The following NEK7 variants were observed in gnomAD, a reference collection of about 807,000 sequenced individuals.
The protein encoded by NEK7 is NIMA related kinase 7, also known as serine/threonine-protein kinase Nek7.
A neutral mutation model predicts 44.6 loss-of-function variants in NEK7; 18 were observed. That is an observed-to-expected ratio of 0.40 (90% CI 0.28 to 0.60). The LOEUF (loss-of-function observed/expected upper bound fraction) is 0.60. Among genes scored for constraint, NEK7 ranks in the 20% least tolerant of loss-of-function variants. The pLI, the probability that NEK7 is intolerant of heterozygous loss-of-function variation, is 0.38. For synonymous variants in NEK7, 130 were observed against 121.1 expected, an observed-to-expected ratio of 1.07 and a Z score of -0.48; for missense variants, 256 against 366.5, an observed-to-expected ratio of 0.70 and a Z score of 2.46.
Position 198,293,022 on chromosome 1 carries a change from G to T in NEK7, c.667G>T (p.Gly223Cys). Residue 223 changes from glycine (G) to cysteine (C), a missense_variant, in exon 8 of 10, where the codon GGC becomes TGC. Physicochemically the swap from Gly to Cys is radical, Grantham distance 159 (BLOSUM62 -3). This residue lies in a region of NEK7 where 102 missense variants were observed against 205.2 expected (regional missense o/e 0.50). Coordinates refer to ENST00000367385, the MANE Select transcript of NEK7 (RefSeq NM_133494.3). ...CTTCAAATCTGACATCTGGTCTCTT[G>T]GCTGTCTACTATATGAGGTAGGTAA... Reference protein sequence around the residue: ...YNFKSDIWSLGCLLYEMAALQ... With the variant: ...YNFKSDIWSLCCLLYEMAALQ... 6.4e-7 allele frequency: 1 copy of T among 1,564,962 alleles called. No homozygotes were observed. The highest frequency in any genetic ancestry group is 8.8e-7 in the Non-Finnish European group (1 of 1,135,814).
chr1:198,160,801 A>G (rs760411944), intron 1 of NEK7, among the ~76,000 whole-genome samples: 27 of 152,204 alleles, frequency 1.8e-4, no homozygotes, highest in East Asian at 3.8e-4. Flanking sequence ...AATTGATACA[A>G]TTCAATCTCA....
intron 9 of NEK7, among the ~76,000 whole-genome samples, chr1:198,311,217 ACT>A: frequency 6.9e-6 from 1 of 144,268 alleles, no homozygotes; most frequent in Admixed American, 7.0e-5. Context: ...ATGGGAGTTC[ACT>A]CATGATTTGG....
intron 1 of NEK7, among the ~76,000 whole-genome samples, chr1:198,206,199 A>G (rs999293316): frequency 1.3e-4 from 20 of 152,190 alleles, no homozygotes; most frequent in Non-Finnish European, 2.4e-4. Flanking sequence ...GAATTAAGTC[A>G]TAAGGCAGAA....
At chr1:198,164,934 T>G (rs1056917590) in intron 1 of NEK7, among the ~76,000 whole-genome samples, 2 of 152,252 alleles carry the variant, frequency 1.3e-5, no homozygotes, top group African/African-American at 4.8e-5. Context: ...CTTAAAAGTT[T>G]ATGGAATATT....
intron 1 of NEK7, among the ~76,000 whole-genome samples, chr1:198,204,208 C>T (rs1021449958): frequency 1.2e-4 from 19 of 152,060 alleles, no homozygotes; most frequent in African/African-American, 3.9e-4. Context: ...TGCAGTGAGC[C>T]GTGATTGCAC....
chr1:198,315,672 G>A (rs1655348018), intron 9 of NEK7, among the ~76,000 whole-genome samples: 1 of 152,188 alleles, frequency 6.6e-6, no homozygotes, highest in Non-Finnish European at 1.5e-5. Context: ...GAGACCAATA[G>A]GACTGGTTGC....
chr1:198,158,032 G>T lies in NEK7; in HGVS notation c.-29+756G>T, dbSNP rs190881651. Among the ~76,000 whole-genome samples the T allele has an allele frequency of 2.6e-3, 389 of 152,270 alleles. 1 individual carries two copies. Among genetic ancestry groups the T allele is most frequent in the Non-Finnish European group, 4.0e-3 (271 of 68,018 alleles). ...AAGCGAGCACAACCTAGAGGATGCT[G>T]CCTTGAGAGCTAAAGAACTTCTGTT... On this transcript the variant is annotated intron_variant, in intron 1 of 9. Coordinates refer to ENST00000367385, the MANE Select transcript of NEK7 (RefSeq NM_133494.3).
At chr1:198,191,542 A>G (rs767605317) in intron 1 of NEK7, among the ~76,000 whole-genome samples, 2 of 151,946 alleles carry the variant, frequency 1.3e-5, no homozygotes, top group Non-Finnish European at 2.9e-5. Flanking sequence ...AGTTGTATGC[A>G]TTGTACATAT....
chr1:198,238,356 G>A (rs1425742813), intron 2 of NEK7, among the ~76,000 whole-genome samples: 1 of 152,110 alleles, frequency 6.6e-6, no homozygotes, highest in African/African-American at 2.4e-5. Flanking sequence ...GCAAGGGGCG[G>A]GGTGGGGTGA....
chr1:198,269,657 A>G (rs558225753), intron 5 of NEK7, among the ~76,000 whole-genome samples: 1 of 152,214 alleles, frequency 6.6e-6, no homozygotes, highest in South Asian at 2.1e-4. Flanking sequence ...ACAAGAGGAA[A>G]TATAGCTTCT....
chr1:198,296,246 G>A (rs1654712374), intron 8 of NEK7, among the ~76,000 whole-genome samples: 1 of 152,212 alleles, frequency 6.6e-6, no homozygotes, highest in Admixed American at 6.5e-5. Context: ...AAGGGTGACT[G>A]ACTTTGGGGC....
intron 9 of NEK7, among the ~76,000 whole-genome samples, chr1:198,314,767 A>T (rs1453851193): frequency 6.6e-6 from 1 of 152,204 alleles, no homozygotes; most frequent in Non-Finnish European, 1.5e-5. Flanking sequence ...TCAGAGACCC[A>T]CTTGAGGAGG....
chr1:198,244,167 CAGTA>C (rs1666765083), intron 2 of NEK7, among the ~76,000 whole-genome samples: 1 of 151,948 alleles, frequency 6.6e-6, no homozygotes, highest in Non-Finnish European at 1.5e-5. Flanking sequence ...ACAGGAAAAT[CAGTA>C]AGAGATGAAT....
chr1:198,249,526 A>C (rs1652836744), intron 2 of NEK7, among the ~76,000 whole-genome samples: 1 of 151,976 alleles, frequency 6.6e-6, no homozygotes, highest in Non-Finnish European at 1.5e-5. Flanking sequence ...AAGTGTTCCT[A>C]TTTCTCCACA....
At chr1:198,254,101 G>T (rs1333971260) in intron 3 of NEK7, among the ~76,000 whole-genome samples, 1 of 151,246 alleles carries the variant, frequency 6.6e-6, no homozygotes, top group East Asian at 1.9e-4. Flanking sequence ...AAGATGATTA[G>T]TATACTTGTG....
Position 198,318,912 on chromosome 1 carries a change from G to GT in NEK7, c.799-493dup, listed in dbSNP as rs963258661. On this transcript the variant is annotated intron_variant, in intron 9 of 9. Coordinates refer to ENST00000367385, the MANE Select transcript of NEK7 (RefSeq NM_133494.3). The stretch of plus-strand genomic sequence containing the variant: ...TTTATTATAATTAGTTTAAAGGAGT[G>GT]TTTTTTTCTCTAATACAAAATTTAA... 2.2e-4 allele frequency among the ~76,000 whole-genome samples: 34 copies of GT among 151,898 alleles called. No individual in the cohort carries two copies. The Middle Eastern group carries it at 0.01, about 46-fold the overall frequency.
chr1:198,163,789 G>A (rs1018562877), intron 1 of NEK7, among the ~76,000 whole-genome samples: 1 of 152,144 alleles, frequency 6.6e-6, no homozygotes, highest in Non-Finnish European at 1.5e-5. Flanking sequence ...GAGTAGTCTG[G>A]TGGTAGGTGT....
At chr1:198,207,777 A>C (rs1346926978) in intron 1 of NEK7, among the ~76,000 whole-genome samples, 2 of 152,212 alleles carry the variant, frequency 1.3e-5, no homozygotes, top group South Asian at 2.1e-4. Flanking sequence ...TGAGTTTGTC[A>C]AACTTCTAGA....
chr1:198,240,127 G>A (rs905332374), intron 2 of NEK7, among the ~76,000 whole-genome samples: 4 of 152,190 alleles, frequency 2.6e-5, no homozygotes, highest in Non-Finnish European at 5.9e-5. Context: ...GTAGATTTCA[G>A]TTATTCTAGA....
Sources: allele counts gnomAD v4.1 joint callset (sites outside exome capture counted in the v4.1 genomes callset), GRCh38; gene constraint gnomAD v4.1.1; regional missense constraint gnomAD v4.1.1; transcripts MANE v1.5; gene names NCBI Gene and HGNC (gene_info 2026-07-23, HGNC 2026-07-21).